Variants in LDAH observed in about 807,000 individuals in gnomAD.
The protein encoded by LDAH is lipid droplet associated hydrolase.
LDAH carries 26 observed loss-of-function variants against 29.6 expected under a neutral mutation model. The ratio of observed to expected loss-of-function variants is 0.88; its 90% CI spans 0.64 to 1.22. The LOEUF (loss-of-function observed/expected upper bound fraction) is 1.22. LDAH is among the 50% of genes most tolerant of loss of function. The pLI, the probability that LDAH is intolerant of heterozygous loss-of-function variation, is 0.00. For missense variants in LDAH, 344 were observed against 387.3 expected (o/e 0.89, Z 0.94); for synonymous variants, 117 against 133.0 (o/e 0.88, Z 0.83).
At chr2:20,774,566 T>C (rs941775807) in intron 4 of LDAH, among the ~76,000 whole-genome samples, 1 of 152,250 alleles carries the variant, frequency 6.6e-6, no homozygotes, top group African/African-American at 2.4e-5. Context: ...CCGATAACCC[T>C]AGATTCAAAG....
intron 1 of LDAH, among the ~76,000 whole-genome samples, chr2:20,814,440 G>T (rs964015617): frequency 1.3e-5 from 2 of 152,148 alleles, no homozygotes; most frequent in East Asian, 1.9e-4. Flanking sequence ...AAAGGAGAAA[G>T]AACTTTTTGA....
intron 5 of LDAH, among the ~76,000 whole-genome samples, chr2:20,731,488 A>C (rs1666405017): frequency 6.6e-6 from 1 of 152,148 alleles, no homozygotes; most frequent in African/African-American, 2.4e-5. Flanking sequence ...GAGCCAATTA[A>C]ACCTCTTTTC....
At position 20,809,794 on chromosome 2, in the gene LDAH, T is replaced by C. The variant is rs182367076; in HGVS notation, c.-2-8329A>G. 1.3e-3 allele frequency among the ~76,000 whole-genome samples: 202 copies of C among 152,228 alleles called. 1 individual carries two copies. Among genetic ancestry groups the C allele is most frequent in the African/African-American group, 4.5e-3 (188 of 41,526 alleles). On this transcript the variant is annotated intron_variant, in intron 1 of 6. Transcript: ENST00000237822. ...TACAGAAACTATAAATAAAATACCA[T>C]TCAGGGAGGAGACTGATTTGCTGGA...
chr2:20,742,668 C>T (rs557720456), intron 4 of LDAH, among the ~76,000 whole-genome samples: 4 of 152,120 alleles, frequency 2.6e-5, no homozygotes, highest in South Asian at 4.1e-4. Context: ...CATCCATTTA[C>T]TTTTCATTTA....
At chr2:20,818,990 C>T (rs1408342229) in intron 1 of LDAH, among the ~76,000 whole-genome samples, 2 of 152,104 alleles carry the variant, frequency 1.3e-5, no homozygotes, top group Non-Finnish European at 2.9e-5. Flanking sequence ...AATGACTGCA[C>T]ACTAACCCCA....
chr2:20,710,606 G>GTGTA (rs1467950593), intron 5 of LDAH, among the ~76,000 whole-genome samples: 32 of 131,864 alleles, frequency 2.4e-4, no homozygotes, highest in Middle Eastern at 3.7e-3. Context: ...GTGTGTGTGT[G>GTGTA]TATATATATA....
Position 20,728,528 on chromosome 2 carries a change from G to C in LDAH, c.703+11443C>G, listed in dbSNP as rs543689814. Among the ~76,000 whole-genome samples, 13 of 124,992 alleles carry C rather than the reference G, an allele frequency of 1.0e-4. No individual in the cohort carries two copies. The South Asian group carries it at 2.9e-3, about 28-fold the overall frequency. 82.0% of individuals were successfully genotyped at this position (124,992 alleles called of 152,430 possible). ...TGATCATCTCCCAAAGTCTTCTGTT[G>C]AGTGTTGCTCTCTCAGTTGGGACTT... On this transcript the variant is annotated intron_variant, in intron 5 of 6. Coordinates refer to ENST00000237822, the MANE Select transcript of LDAH (RefSeq NM_021925.4).
At chr2:20,741,162 T>G (rs548660028) in intron 4 of LDAH, among the ~76,000 whole-genome samples, 1 of 152,326 alleles carries the variant, frequency 6.6e-6, no homozygotes, top group East Asian at 1.9e-4. Context: ...CTTGTATATT[T>G]TGGATTAGTC....
Position 20,774,875 on chromosome 2 carries a change from G to A in LDAH, c.403C>T (p.Leu135Phe). Reference protein sequence around the residue: ...THVPKDMKLVLIGHSIGSYFT... With the variant: ...THVPKDMKLVFIGHSIGSYFT... Reference sequence around the variant, plus strand: ...TAGCTGCCTATTGAATGGCCAATGAGCACAAGTTTCATGTCCTTTGGCACA... The same window carrying A: ...TAGCTGCCTATTGAATGGCCAATGAACACAAGTTTCATGTCCTTTGGCACA... The change falls in exon 4 of 7, where the codon CTC (leucine) becomes TTC (phenylalanine). Residue 135 changes from leucine to phenylalanine, a missense_variant. Coordinates refer to ENST00000237822, the MANE Select transcript of LDAH (RefSeq NM_021925.4). 6.2e-7 allele frequency: 1 copy of A among 1,613,606 alleles called. No homozygotes were observed. The highest frequency in any genetic ancestry group is 8.5e-7 in the Non-Finnish European group (1 of 1,179,964).
At chr2:20,761,127 G>A (rs1365881101) in intron 4 of LDAH, among the ~76,000 whole-genome samples, 1 of 152,202 alleles carries the variant, frequency 6.6e-6, no homozygotes, top group East Asian at 1.9e-4. Flanking sequence ...CTGCTGATCT[G>A]TATTCTCTTT....
intron 5 of LDAH, among the ~76,000 whole-genome samples, chr2:20,739,304 G>C (rs1300836710): frequency 6.6e-6 from 1 of 151,854 alleles, no homozygotes; most frequent in Non-Finnish European, 1.5e-5. Context: ...TTTGAAGTAC[G>C]GAGTATTGTT....
intron 5 of LDAH, among the ~76,000 whole-genome samples, chr2:20,711,233 A>C (rs1192908542): frequency 6.6e-6 from 1 of 151,936 alleles, no homozygotes; most frequent in Non-Finnish European, 1.5e-5. Context: ...CTAAAAATAC[A>C]AAAAATTAGC....
At chr2:20,815,261 C>A (rs968348608) in intron 1 of LDAH, among the ~76,000 whole-genome samples, 13 of 151,772 alleles carry the variant, frequency 8.6e-5, no homozygotes, top group African/African-American at 2.4e-4. Flanking sequence ...GAAAAACAGA[C>A]AAAGAAACAA....
chr2:20,702,450 T>A (rs2149355503), intron 5 of LDAH, among the ~76,000 whole-genome samples: 1 of 152,362 alleles, frequency 6.6e-6, no homozygotes, highest in Non-Finnish European at 1.5e-5. Context: ...TGAAAGTCTC[T>A]GTTTCTTAAA....
At position 20,774,900 on chromosome 2, in the gene LDAH, A is replaced by G. The variant is rs1444501169; in HGVS notation, c.378T>C (p.His126=). The part of the protein sequence containing the change: ...IEHKLAFLRT[H]VPKDMKLVLI... ...GCACAAGTTTCATGTCCTTTGGCAC[A>G]TGAGTTCTCAGGAAAGCTAGTTTGT... is the stretch of plus-strand genomic sequence containing the variant. The change falls in exon 4 of 7, where the codon CAT becomes CAC. Residue 126 remains histidine, a synonymous_variant. Transcript: ENST00000237822. 2.5e-6 allele frequency: 4 copies of G among 1,613,750 alleles called. No homozygotes were observed. The Admixed American group carries it at 6.7e-5, about 27-fold the overall frequency.
chr2:20,706,332 T>C (rs1050539670), intron 5 of LDAH, among the ~76,000 whole-genome samples: 1 of 152,242 alleles, frequency 6.6e-6, no homozygotes, highest in Non-Finnish European at 1.5e-5. Context: ...TCCCAACCTA[T>C]GTTGAAGCTT....
chr2:20,716,729 C>CTATATATAT (rs1665230117), intron 5 of LDAH, among the ~76,000 whole-genome samples: 1 of 124,504 alleles, frequency 8.0e-6, no homozygotes, highest in African/African-American at 2.7e-5. Flanking sequence ...AGTATATATA[C>CTATATATAT]ATATATATAT....
chr2:20,723,256 A>G (rs1665785031), intron 5 of LDAH, among the ~76,000 whole-genome samples: 1 of 152,204 alleles, frequency 6.6e-6, no homozygotes, highest in Admixed American at 6.5e-5. Flanking sequence ...CCAGTTATTT[A>G]AAGTCCAAAA....
intron 3 of LDAH, among the ~76,000 whole-genome samples, chr2:20,778,220 A>G (rs1669947245): frequency 1.3e-5 from 2 of 152,140 alleles, no homozygotes. Flanking sequence ...CAGCCCCAAT[A>G]TCATATTGAC....
Sources: gnomAD v4.1 joint callset for allele counts (sites outside exome capture counted in the v4.1 genomes callset) on GRCh38, gnomAD v4.1.1 for gene constraint, MANE v1.5 for transcripts, NCBI Gene and HGNC (gene_info 2026-07-23, HGNC 2026-07-21) for gene names.